The following ZFPM2 variants were observed in gnomAD, a reference collection of about 807,000 sequenced individuals.
The protein encoded by ZFPM2 is zinc finger protein, FOG family member 2.
In ZFPM2, 20 loss-of-function variants were observed where a neutral mutation model predicts 98.6. That is an observed-to-expected ratio of 0.20 (90% CI 0.14 to 0.29). The LOEUF (loss-of-function observed/expected upper bound fraction) is 0.29. ZFPM2 is among the 10% of genes least tolerant of loss of function. The pLI is 1.00. For synonymous variants in ZFPM2, 518 were observed against 502.7 expected, an observed-to-expected ratio of 1.03 and a Z score of -0.41; for missense variants, 1,310 against 1,388.6, an observed-to-expected ratio of 0.94 and a Z score of 0.90.
chr8:105,608,077 C>A (rs1301234491), intron 4 of ZFPM2, among the ~76,000 whole-genome samples: 1 of 152,012 alleles, frequency 6.6e-6, no homozygotes, highest in African/African-American at 2.4e-5. Context: ...CAAACTAATG[C>A]AGGAAAAGAA....
chr8:105,606,130 TAAC>T (rs1485910547), intron 4 of ZFPM2, among the ~76,000 whole-genome samples: 1 of 152,128 alleles, frequency 6.6e-6, no homozygotes, highest in African/African-American at 2.4e-5. Flanking sequence ...TAAACCAAAT[TAAC>T]AACAAAATAG....
chr8:105,343,390 C>G (rs1171491530), intron 1 of ZFPM2, among the ~76,000 whole-genome samples: 1 of 151,972 alleles, frequency 6.6e-6, no homozygotes, highest in Non-Finnish European at 1.5e-5. Flanking sequence ...GAGGTGAACC[C>G]CCAGGATAAC....
At chr8:105,345,733 A>G (rs1053986875) in intron 1 of ZFPM2, among the ~76,000 whole-genome samples, 4 of 152,122 alleles carry the variant, frequency 2.6e-5, no homozygotes, top group African/African-American at 9.7e-5. Flanking sequence ...TAGTAGAGAA[A>G]TTGGGAATAC....
chr8:105,635,774 G>A (rs1268197512), intron 5 of ZFPM2, among the ~76,000 whole-genome samples: 2 of 152,204 alleles, frequency 1.3e-5, no homozygotes, highest in Middle Eastern at 3.4e-3. Context: ...ATAGTATGGG[G>A]GAAACATGGC....
At chr8:105,356,903 C>T (rs908778441) in intron 1 of ZFPM2, among the ~76,000 whole-genome samples, 6 of 152,136 alleles carry the variant, frequency 3.9e-5, no homozygotes, top group African/African-American at 1.4e-4. Flanking sequence ...CTCAAGTCTA[C>T]CAGGCTGATC....
chr8:105,389,013 C>CGTGTGTGTGTGTGT (rs142145699), intron 1 of ZFPM2, among the ~76,000 whole-genome samples: 156 of 134,904 alleles, frequency 1.2e-3, no homozygotes, highest in African/African-American at 1.9e-3. Flanking sequence ...AATTTGATGA[C>CGTGTGTGTGTGTGT]GTGTGTGTGT....
intron 3 of ZFPM2, among the ~76,000 whole-genome samples, chr8:105,457,281 C>T (rs112283797): frequency 2.3e-3 from 346 of 152,282 alleles, no homozygotes; most frequent in Middle Eastern, 0.02. Flanking sequence ...AAGATTGATA[C>T]TTGGAGCTTG....
intron 3 of ZFPM2, among the ~76,000 whole-genome samples, chr8:105,448,151 C>G (rs1398044670): frequency 6.6e-6 from 1 of 152,022 alleles, no homozygotes; most frequent in Non-Finnish European, 1.5e-5. Flanking sequence ...AAGTCATTGT[C>G]TCATTATTTC....
chr8:105,802,022 C>T lies in ZFPM2; in HGVS notation c.1940C>T (p.Ser647Phe). The change falls in exon 8 of 8, where the codon TCC (serine) becomes TTC (phenylalanine). Residue 647 changes from serine to phenylalanine, a missense_variant. Physicochemically the swap from Ser to Phe is radical, Grantham distance 155 (BLOSUM62 -2). Coordinates refer to ENST00000407775, the MANE Select transcript of ZFPM2 (RefSeq NM_012082.4). ...GGGAAGGGCCATGACAAGGACTTTT[C>T]CACTCAAACTAAGAAGCTCTCCACC... The part of the protein sequence containing the change: ...PNGKGHDKDF[S>F]TQTKKLSTSS... 1.9e-6 allele frequency: 3 copies of T among 1,613,818 alleles called. No individual in the cohort carries two copies. The highest frequency in any genetic ancestry group is 2.5e-6 in the Non-Finnish European group (3 of 1,179,872).
chr8:105,689,700 AT>A (rs1333010457), intron 5 of ZFPM2, among the ~76,000 whole-genome samples: 6 of 152,180 alleles, frequency 3.9e-5, no homozygotes, highest in African/African-American at 2.4e-5. Flanking sequence ...GATGATGGTG[AT>A]TGTGATAAAC....
intron 4 of ZFPM2, among the ~76,000 whole-genome samples, chr8:105,626,819 T>C (rs1816664474): frequency 6.6e-6 from 1 of 152,190 alleles, no homozygotes; most frequent in African/African-American, 2.4e-5. Flanking sequence ...CCAAAAGCAT[T>C]TTCAACAACA....
intron 3 of ZFPM2, among the ~76,000 whole-genome samples, chr8:105,459,600 C>T (rs990780544): frequency 2.0e-5 from 3 of 152,052 alleles, no homozygotes; most frequent in Admixed American, 6.6e-5. Flanking sequence ...TATCAGCAGG[C>T]GTGGTTTCTA....
intron 1 of ZFPM2, among the ~76,000 whole-genome samples, chr8:105,404,692 C>T (rs1174006406): frequency 1.3e-5 from 2 of 152,068 alleles, no homozygotes; most frequent in Non-Finnish European, 2.9e-5. Flanking sequence ...GAACTTTATT[C>T]TCCACTTCAC....
At chr8:105,382,510 T>G (rs114358408) in intron 1 of ZFPM2, among the ~76,000 whole-genome samples, 1,585 of 152,164 alleles carry the variant, frequency 0.01, 28 homozygotes, top group African/African-American at 0.035. Context: ...AGAAGAATAT[T>G]AAAAATAAAA....
chr8:105,452,379 A>G (rs945102497), intron 3 of ZFPM2, among the ~76,000 whole-genome samples: 2 of 152,154 alleles, frequency 1.3e-5, no homozygotes, highest in African/African-American at 4.8e-5. Flanking sequence ...GGCACTTTAG[A>G]AAGACACTAC....
At chr8:105,775,958 C>T (rs1813095456) in intron 5 of ZFPM2, among the ~76,000 whole-genome samples, 1 of 152,072 alleles carries the variant, frequency 6.6e-6, no homozygotes, top group South Asian at 2.1e-4. Context: ...CGGGACAAAA[C>T]TTTCTGAGCT....
At chr8:105,542,871 AT>A (rs1203082514) in intron 3 of ZFPM2, among the ~76,000 whole-genome samples, 1 of 152,158 alleles carries the variant, frequency 6.6e-6, no homozygotes, top group African/African-American at 2.4e-5. Flanking sequence ...TACCTATCTT[AT>A]TCTAATTTTT....
At chr8:105,509,824 G>T (rs1813779004) in intron 3 of ZFPM2, among the ~76,000 whole-genome samples, 1 of 152,118 alleles carries the variant, frequency 6.6e-6, no homozygotes, top group Non-Finnish European at 1.5e-5. Flanking sequence ...CATTGCTACT[G>T]CTAAAATAAA....
intron 1 of ZFPM2, among the ~76,000 whole-genome samples, chr8:105,393,330 C>CTGTCTGTCCT (rs1245789213): frequency 7.5e-6 from 1 of 132,834 alleles, no homozygotes; most frequent in South Asian, 2.4e-4. Context: ...CCCTCTCTCT[C>CTGTCTGTCCT]TCTTTGCCTT....
Sources: allele counts gnomAD v4.1 joint callset (sites outside exome capture counted in the v4.1 genomes callset), GRCh38; gene constraint gnomAD v4.1.1; transcripts MANE v1.5; gene names NCBI Gene and HGNC (gene_info 2026-07-23, HGNC 2026-07-21).